Variants in UST observed in about 807,000 individuals in gnomAD.
The protein encoded by UST is chondroitin sulfate 2-O-sulfotransferase.
Under a neutral mutation model 45.6 loss-of-function variants are expected in UST, and 21 were observed. The observed-to-expected ratio is 0.46, with a 90% CI of 0.33 to 0.66. The LOEUF is 0.66. Among genes scored for constraint, UST ranks in the 30% least tolerant of loss-of-function variants. UST has a pLI of 0.02. For synonymous variants in UST, 215 were observed against 200.6 expected (o/e 1.07, Z -0.61); for missense variants, 463 against 512.4 (o/e 0.90, Z 0.93).
At chr6:149,014,884 C>A (rs575976597) in intron 5 of UST, among the ~76,000 whole-genome samples, 1 of 152,178 alleles carries the variant, frequency 6.6e-6, no homozygotes, top group Non-Finnish European at 1.5e-5. Context: ...CCATTGTTAT[C>A]CCTGTTGCAC....
intron 1 of UST, among the ~76,000 whole-genome samples, chr6:148,850,313 A>G (rs1242148201): frequency 6.6e-6 from 1 of 152,218 alleles, no homozygotes; most frequent in African/African-American, 2.4e-5. Flanking sequence ...GCTCTTAACT[A>G]TCATGCTACA....
intron 1 of UST, among the ~76,000 whole-genome samples, chr6:148,776,211 T>C (rs1188764482): frequency 6.6e-6 from 1 of 152,240 alleles, no homozygotes; most frequent in Admixed American, 6.5e-5. Context: ...AGAGAAATTC[T>C]GGCTTTTGCT....
chr6:149,052,977 T>TC (rs1281635305), intron 7 of UST, among the ~76,000 whole-genome samples: 1 of 152,220 alleles, frequency 6.6e-6, no homozygotes, highest in African/African-American at 2.4e-5. Flanking sequence ...CAAGGAATAC[T>TC]CCTTATTTTT....
rs569636476 is a variant in UST, at chr6:148,804,052, G to A, written c.247+56375G>A. 2.0e-5 allele frequency among the ~76,000 whole-genome samples: 3 copies of A among 152,294 alleles called. No homozygotes were observed. The South Asian group carries it at 6.2e-4, about 32-fold the overall frequency. The stretch of plus-strand genomic sequence containing the variant: ...AGGCCTACAATGACCTGGCACATAA[G>A]GACCCCGTAAATGTTTGTTAAGTGA... On this transcript the variant is annotated intron_variant, in intron 1 of 7. Coordinates refer to ENST00000367463, the MANE Select transcript of UST (RefSeq NM_005715.3).
chr6:148,788,655 T>C (rs1433211010), intron 1 of UST, among the ~76,000 whole-genome samples: 1 of 152,156 alleles, frequency 6.6e-6, no homozygotes, highest in Non-Finnish European at 1.5e-5. Flanking sequence ...ATAACGTGTC[T>C]TAAGAGCTCT....
chr6:148,836,725 G>A (rs1007601586), intron 1 of UST, among the ~76,000 whole-genome samples: 3 of 152,210 alleles, frequency 2.0e-5, no homozygotes, highest in Admixed American at 6.5e-5. Context: ...CAGAGGCCCT[G>A]CAAAAAGATG....
intron 1 of UST, among the ~76,000 whole-genome samples, chr6:148,755,250 A>C (rs934300172): frequency 6.6e-6 from 1 of 152,188 alleles, no homozygotes; most frequent in Non-Finnish European, 1.5e-5. Flanking sequence ...TTTTGTATTC[A>C]TGTTGTGGTA....
At chr6:149,024,552 A>G (rs1167422568) in intron 7 of UST, among the ~76,000 whole-genome samples, 1 of 152,206 alleles carries the variant, frequency 6.6e-6, no homozygotes, top group African/African-American at 2.4e-5. Context: ...AGAGATCAAC[A>G]CACACTCCTG....
intron 1 of UST, among the ~76,000 whole-genome samples, chr6:148,807,376 G>A (rs1005852282): frequency 1.3e-5 from 2 of 152,176 alleles, no homozygotes; most frequent in African/African-American, 4.8e-5. Flanking sequence ...GGAAAAGCCA[G>A]GCCTGTGGGT....
At chr6:148,851,513 T>A (rs951296496) in intron 1 of UST, among the ~76,000 whole-genome samples, 1 of 152,232 alleles carries the variant, frequency 6.6e-6, no homozygotes, top group African/African-American at 2.4e-5. Context: ...TGCAAATCTC[T>A]ATGCATATAT....
chr6:148,783,082 A>G (rs919017344), intron 1 of UST, among the ~76,000 whole-genome samples: 1 of 152,262 alleles, frequency 6.6e-6, no homozygotes, highest in Non-Finnish European at 1.5e-5. Flanking sequence ...CTGATCCATT[A>G]GCAGTCACCA....
In UST at chr6:148,971,507, G is replaced by A. The variant is rs575017047; in HGVS notation, c.681+6944G>A. On this transcript the variant is annotated intron_variant, in intron 5 of 7. Transcript: ENST00000367463. Reference sequence around the variant, plus strand: ...GCATCCTACAATGCAGAGACATGGCGCTGTCCAGGCATTGAATGGGGCAGT... The same window carrying A: ...GCATCCTACAATGCAGAGACATGGCACTGTCCAGGCATTGAATGGGGCAGT... Among the ~76,000 whole-genome samples, 213 of 152,242 alleles carry A rather than the reference G, an allele frequency of 1.4e-3. 1 individual carries two copies. The highest frequency in any genetic ancestry group is 4.3e-3 in the African/African-American group (177 of 41,548).
At chr6:149,025,891 G>A (rs1225339843) in intron 7 of UST, among the ~76,000 whole-genome samples, 1 of 151,978 alleles carries the variant, frequency 6.6e-6, no homozygotes, top group Non-Finnish European at 1.5e-5. Context: ...GCTCACACCT[G>A]TAATCCCAGC....
chr6:148,891,274 G>A (rs182373137), intron 2 of UST, among the ~76,000 whole-genome samples: 1 of 152,114 alleles, frequency 6.6e-6, no homozygotes, highest in African/African-American at 2.4e-5. Context: ...TGGGTACCTG[G>A]TGCAAGCAGC....
intron 5 of UST, among the ~76,000 whole-genome samples, chr6:148,985,064 G>A (rs747742507): frequency 3.2e-4 from 49 of 152,132 alleles, no homozygotes; most frequent in Admixed American, 2.9e-3. Flanking sequence ...AGGGAATAAC[G>A]GGACGGATGT....
At chr6:149,034,937 A>G (rs1377891367) in intron 7 of UST, among the ~76,000 whole-genome samples, 1 of 144,174 alleles carries the variant, frequency 6.9e-6, no homozygotes, top group Non-Finnish European at 1.5e-5. Context: ...ATTTTACAAT[A>G]TGACTCGGTA....
At position 149,074,051 on chromosome 6, in the gene UST, G is replaced by C; in HGVS notation, c.1156G>C (p.Glu386Gln). ...HFFIPTPLET[E>Q]EPIDDEEQDD... is the part of the protein sequence containing the mutation. ...CTTTATCCCAACTCCACTGGAAACC[G>C]AGGAGCCAATCGACGATGAAGAACA... The change falls in exon 8 of 8, where the codon GAG becomes CAG. Residue 386 changes from glutamate (E) to glutamine (Q), a missense_variant. Physicochemically the swap from Glu to Gln is conservative, Grantham distance 29. Transcript: ENST00000367463. 6.2e-7 allele frequency: 1 copy of C among 1,614,226 alleles called. No homozygotes were observed.
chr6:148,871,117 C>CCTCTCTCTCTCTCTCTCTCTCTCT lies in UST; in HGVS notation c.248-15863_248-15840dup, dbSNP rs749134391. On this transcript the variant is annotated intron_variant, in intron 1 of 7. Transcript: ENST00000367463. The stretch of plus-strand genomic sequence containing the variant: ...GAAGGAGACAGCCAAGCATTCTCTC[C>CCTCTCTCTCTCTCTCTCTCTCTCT]CTCTCTCTCTCTCTCTCTCTCTCTC... Among the ~76,000 whole-genome samples, 254 of 97,540 alleles carry CCTCTCTCTCTCTCTCTCTCTCTCT rather than the reference C, an allele frequency of 2.6e-3. 43 individuals are homozygous for CCTCTCTCTCTCTCTCTCTCTCTCT. The highest frequency in any genetic ancestry group is 9.2e-3 in the African/African-American group (200 of 21,646). 64.0% of individuals were successfully genotyped at this position (97,540 alleles called of 152,430 possible).
At chr6:148,800,815 TGGCTCTG>T (rs1285921771) in intron 1 of UST, among the ~76,000 whole-genome samples, 1 of 145,700 alleles carries the variant, frequency 6.9e-6, no homozygotes, top group Non-Finnish European at 1.5e-5. Context: ...TGGAGACACG[TGGCTCTG>T]GAGGAATCCT....
Sources: gnomAD v4.1 joint callset for allele counts (sites outside exome capture counted in the v4.1 genomes callset) on GRCh38, gnomAD v4.1.1 for gene constraint, MANE v1.5 for transcripts, NCBI Gene and HGNC (gene_info 2026-07-23, HGNC 2026-07-21) for gene names.